The following GLCE variants were observed in gnomAD, a reference collection of about 807,000 sequenced individuals.
GLCE encodes glucuronic acid epimerase.
Under a neutral mutation model 47.9 loss-of-function variants are expected in GLCE, and 19 were observed. The ratio of observed to expected loss-of-function variants is 0.40; its 90% confidence interval spans 0.28 to 0.58. The LOEUF (loss-of-function observed/expected upper bound fraction) is 0.58. Ranked by LOEUF, GLCE falls within the 20% of genes least tolerant of loss-of-function variation. The probability of loss-of-function intolerance (pLI) is 0.48; values close to 1 mark genes in which losing one functional copy is unlikely to be tolerated. For missense variants in GLCE, 556 were observed against 743.3 expected (o/e 0.75, Z 2.93); for synonymous variants, 245 against 263.4 (o/e 0.93, Z 0.68).
intron 1 of GLCE, among the ~76,000 whole-genome samples, chr15:69,200,535 T>C (rs1688816160): frequency 6.6e-6 from 1 of 152,190 alleles, no homozygotes; most frequent in Admixed American, 6.5e-5. Context: ...TTCTACATAT[T>C]GTTCTTTTAA....
chr15:69,169,664 A>G (rs1224141223), intron 1 of GLCE, among the ~76,000 whole-genome samples: 2 of 150,942 alleles, frequency 1.3e-5, no homozygotes, highest in East Asian at 2.0e-4. Context: ...TGTCCCTGCG[A>G]TAGTTTGCTG....
At chr15:69,169,641 G>T (rs1243579502) in intron 1 of GLCE, among the ~76,000 whole-genome samples, 4 of 149,440 alleles carry the variant, frequency 2.7e-5, no homozygotes, top group African/African-American at 9.9e-5. Context: ...ATAACATGTG[G>T]TGTTTGGTTT....
intron 2 of GLCE, among the ~76,000 whole-genome samples, chr15:69,222,266 A>C (rs990237457): frequency 3.3e-5 from 5 of 152,162 alleles, no homozygotes; most frequent in African/African-American, 1.2e-4. Flanking sequence ...CCATGGGCTT[A>C]AGTGCTCCTG....
At chr15:69,218,704 A>T (rs1020418444) in intron 2 of GLCE, among the ~76,000 whole-genome samples, 6 of 152,250 alleles carry the variant, frequency 3.9e-5, no homozygotes, top group Non-Finnish European at 8.8e-5. Context: ...GAGAACTGTC[A>T]GTATAATACC....
Position 69,261,085 on chromosome 15 carries a change from AG to A in GLCE, c.587del. ...TATTCATTTTGTTTCTCTATTTTAT[AG>A]GTGTGCCATTATCTACACAATGGGG... On this transcript the variant is annotated splice_acceptor_variant, in intron 3 of 4. Transcript: ENST00000261858. LOFTEE classifies it high-confidence loss of function. The A allele has an allele frequency of 6.2e-7, 1 of 1,609,702 alleles. No individual in the cohort carries two copies. The highest frequency in any genetic ancestry group is 8.5e-7 in the Non-Finnish European group (1 of 1,176,668).
intron 1 of GLCE, among the ~76,000 whole-genome samples, chr15:69,195,285 A>G (rs2051970375): frequency 6.6e-6 from 1 of 152,116 alleles, no homozygotes; most frequent in South Asian, 2.1e-4. Context: ...TCTTTGGGAC[A>G]CTGTGTAAAT....
At chr15:69,197,781 T>C (rs1156922944) in intron 1 of GLCE, among the ~76,000 whole-genome samples, 2 of 152,114 alleles carry the variant, frequency 1.3e-5, no homozygotes, top group Non-Finnish European at 2.9e-5. Flanking sequence ...CTTTTGAGTT[T>C]TATTGTAAAG....
intron 2 of GLCE, among the ~76,000 whole-genome samples, chr15:69,233,530 G>A (rs949489633): frequency 3.3e-5 from 5 of 152,160 alleles, no homozygotes; most frequent in African/African-American, 1.2e-4. Flanking sequence ...AAACATTGAT[G>A]TCATATGAGT....
chr15:69,180,302 C>T (rs968277301), intron 1 of GLCE, among the ~76,000 whole-genome samples: 1 of 152,094 alleles, frequency 6.6e-6, no homozygotes, highest in Non-Finnish European at 1.5e-5. Context: ...TTATGCCAGG[C>T]ACTGCTCTAG....
chr15:69,180,775 T>G (rs2051738190), intron 1 of GLCE, among the ~76,000 whole-genome samples: 1 of 152,132 alleles, frequency 6.6e-6, no homozygotes, highest in African/African-American at 2.4e-5. Flanking sequence ...TATAGACCAT[T>G]TTAAGGACTT....
At chr15:69,200,723 A>G (rs1259494784) in intron 1 of GLCE, among the ~76,000 whole-genome samples, 1 of 152,154 alleles carries the variant, frequency 6.6e-6, no homozygotes, top group Non-Finnish European at 1.5e-5. Flanking sequence ...GATAAGGGGC[A>G]TATTAGTTTT....
intron 4 of GLCE, among the ~76,000 whole-genome samples, chr15:69,262,671 G>A (rs927773987): frequency 6.6e-6 from 1 of 152,060 alleles, no homozygotes; most frequent in African/African-American, 2.4e-5. Flanking sequence ...CTTAAATGAG[G>A]GATCCTTAGC....
intron 2 of GLCE, among the ~76,000 whole-genome samples, chr15:69,253,802 T>C (rs988413058): frequency 3.3e-5 from 5 of 152,168 alleles, no homozygotes; most frequent in East Asian, 1.9e-4. Flanking sequence ...ATCACACACA[T>C]AGTAACAAGT....
intron 1 of GLCE, among the ~76,000 whole-genome samples, chr15:69,176,724 A>G (rs987637793): frequency 5.9e-5 from 9 of 152,218 alleles, no homozygotes; most frequent in African/African-American, 2.2e-4. Context: ...CTAGCATTTA[A>G]CAGTGCCTCA....
At chr15:69,178,892 T>C (rs974098663) in intron 1 of GLCE, among the ~76,000 whole-genome samples, 3 of 152,106 alleles carry the variant, frequency 2.0e-5, no homozygotes, top group African/African-American at 7.2e-5. Flanking sequence ...AATGATGATA[T>C]AGCCACACAA....
At chr15:69,254,396 A>G (rs2052892176) in intron 2 of GLCE, among the ~76,000 whole-genome samples, 1 of 152,162 alleles carries the variant, frequency 6.6e-6, no homozygotes, top group South Asian at 2.1e-4. Context: ...CAGGACTGGA[A>G]TGACATGATC....
intron 2 of GLCE, among the ~76,000 whole-genome samples, chr15:69,228,612 ATATAT>A (rs1475992742): frequency 5.3e-5 from 8 of 152,236 alleles, no homozygotes; most frequent in Non-Finnish European, 7.3e-5. Context: ...AAAATTTAAA[ATATAT>A]TAATGACATC....
Position 69,256,389 on chromosome 15 carries a change from G to T in GLCE, c.583G>T (p.Glu195Ter), listed in dbSNP as rs765205686. ...CAGAGTCAAGTGCATAAGTGGGGTTGAAGGTTGGTATCTGTCTGCTTCACT... is the reference window on the plus strand; with the variant it reads ...CAGAGTCAAGTGCATAAGTGGGGTTTAAGGTTGGTATCTGTCTGCTTCACT... ...RDRVKCISGV[E>*]GVPLSTQWGP... The change falls in exon 3 of 5, where the codon GAA becomes TAA. Residue 195 changes from glutamate (E) to a stop codon, truncating the protein, a stop_gained. Transcript: ENST00000261858. LOFTEE classifies it high-confidence loss of function. 2.5e-6 allele frequency: 4 copies of T among 1,601,830 alleles called. No homozygotes were observed. Among genetic ancestry groups the T allele is most frequent in the Non-Finnish European group, 2.6e-6 (3 of 1,171,738 alleles).
At chr15:69,181,555 T>C (rs192914437) in intron 1 of GLCE, among the ~76,000 whole-genome samples, 1 of 152,326 alleles carries the variant, frequency 6.6e-6, no homozygotes, top group Admixed American at 6.5e-5. Context: ...ATGCTGCTCA[T>C]AGTTCCAGTA....
Sources: allele counts gnomAD v4.1 joint callset (sites outside exome capture counted in the v4.1 genomes callset), GRCh38; gene constraint gnomAD v4.1.1; transcripts MANE v1.5; gene names NCBI Gene and HGNC (gene_info 2026-07-23, HGNC 2026-07-21).